NAV3: variants seen among roughly 807,000 people sequenced by gnomAD.
NAV3 encodes the protein pore membrane and/or filament interacting like protein 1.
Under a neutral mutation model 244.7 loss-of-function variants are expected in NAV3, and 87 were observed. That is an observed-to-expected ratio of 0.36 (90% CI 0.30 to 0.42). The LOEUF (loss-of-function observed/expected upper bound fraction) is 0.42, where lower values mean the gene tolerates loss of function less well. NAV3 is among the 20% of genes least tolerant of loss of function. The pLI is 1.00. For missense variants in NAV3, 2,663 were observed against 2,893.3 expected (o/e 0.92, Z 1.83); for synonymous variants, 1,126 against 1,042.2 (o/e 1.08, Z -1.55).
intron 1 of NAV3, among the ~76,000 whole-genome samples, chr12:77,848,340 T>C (rs982932512): frequency 2.6e-5 from 4 of 152,198 alleles, no homozygotes; most frequent in East Asian, 1.9e-4. Flanking sequence ...ACCAACTGGA[T>C]TGTGTAACTT....
At position 77,655,220 on chromosome 12, in the gene NAV3, C is replaced by A. The variant is rs1266742856; in HGVS notation, c.72+82954C>A. Among the ~76,000 whole-genome samples the A allele has an allele frequency of 3.9e-5, 6 of 152,058 alleles. No individual in the cohort carries two copies. The South Asian group carries it at 6.2e-4, about 16-fold the overall frequency. ...ATAAAAACTTTGAAAAAAATTTAGA[C>A]GAATGTATAACTAGAATAACCAATA... On this transcript the variant is annotated intron_variant, in intron 2 of 8. Transcript: ENST00000550042.
chr12:77,873,734 A>G lies in NAV3; in HGVS notation c.243+42030A>G, dbSNP rs192371476. On this transcript the variant is annotated intron_variant, in intron 1 of 39. Coordinates refer to ENST00000397909, the MANE Select transcript of NAV3 (RefSeq NM_001024383.2). ...ACATGATTTGCTTATCTAAATACAT[A>G]TGTGTGTGTGTATATATATATATAT... Among the ~76,000 whole-genome samples the G allele has an allele frequency of 5.0e-3, 425 of 85,298 alleles. 14 individuals are homozygous for G. The highest frequency in any genetic ancestry group is 0.014 in the African/African-American group (385 of 28,304). The allele number at this position is 85,298 out of a possible 152,430, so 56.0% of individuals were successfully genotyped here.
At chr12:78,187,053 G>A (rs1958752970) in intron 31 of NAV3, among the ~76,000 whole-genome samples, 1 of 151,742 alleles carries the variant, frequency 6.6e-6, no homozygotes, top group African/African-American at 2.4e-5. Context: ...CCATCAATTT[G>A]GAAGTTAGGG....
chr12:78,207,709 A>G (rs956628065), intron 39 of NAV3, among the ~76,000 whole-genome samples: 1 of 152,196 alleles, frequency 6.6e-6, no homozygotes, highest in African/African-American at 2.4e-5. Flanking sequence ...AGTTGGTGGT[A>G]GGAATTAAAA....
At chr12:77,580,732 T>G (rs1190539632) in intron 2 of NAV3, among the ~76,000 whole-genome samples, 4 of 152,202 alleles carry the variant, frequency 2.6e-5, no homozygotes, top group African/African-American at 9.6e-5. Flanking sequence ...TCTCAATACA[T>G]GAACTGACTC....
chr12:77,789,430 T>C (rs746490044), intron 2 of NAV3, among the ~76,000 whole-genome samples: 1 of 152,044 alleles, frequency 6.6e-6, no homozygotes, highest in Non-Finnish European at 1.5e-5. Flanking sequence ...GACAGGGGTG[T>C]CCAATTTTTT....
At chr12:78,145,527 T>C (rs886663027) in intron 20 of NAV3, among the ~76,000 whole-genome samples, 2 of 152,182 alleles carry the variant, frequency 1.3e-5, no homozygotes, top group African/African-American at 4.8e-5. Flanking sequence ...TTCAACAACA[T>C]TATGCATTCT....
chr12:78,105,156 T>C (rs1954739378), intron 12 of NAV3, among the ~76,000 whole-genome samples: 1 of 152,134 alleles, frequency 6.6e-6, no homozygotes, highest in South Asian at 2.1e-4. Flanking sequence ...ACTGACAACA[T>C]TAATGATAAT....
intron 3 of NAV3, among the ~76,000 whole-genome samples, chr12:77,954,770 A>G (rs182783293): frequency 9.8e-4 from 150 of 152,334 alleles, no homozygotes; most frequent in African/African-American, 3.3e-3. Flanking sequence ...GAATTTAAAA[A>G]TGAAATATAC....
intron 28 of NAV3, among the ~76,000 whole-genome samples, chr12:78,178,734 A>G (rs1278290342): frequency 6.6e-6 from 1 of 152,190 alleles, no homozygotes; most frequent in Non-Finnish European, 1.5e-5. Context: ...GCAGAAAGGA[A>G]GAACATGTCA....
At chr12:77,762,919 C>G (rs2082390743) in intron 2 of NAV3, among the ~76,000 whole-genome samples, 1 of 152,190 alleles carries the variant, frequency 6.6e-6, no homozygotes, top group Non-Finnish European at 1.5e-5. Context: ...GAGGTTGTTC[C>G]TGCACACAAT....
intron 1 of NAV3, among the ~76,000 whole-genome samples, chr12:77,851,145 G>A (rs1008128104): frequency 1.3e-5 from 2 of 152,190 alleles, no homozygotes; most frequent in African/African-American, 4.8e-5. Flanking sequence ...CAAATGAGAA[G>A]TGGGGCACAA....
intron 12 of NAV3, among the ~76,000 whole-genome samples, chr12:78,100,695 G>A (rs1954493563): frequency 6.6e-6 from 1 of 151,880 alleles, no homozygotes; most frequent in Admixed American, 6.6e-5. Context: ...TAATTTCTTA[G>A]CACTCTATAT....
intron 2 of NAV3, among the ~76,000 whole-genome samples, chr12:77,820,017 C>A (rs1489594018): frequency 6.6e-6 from 1 of 151,992 alleles, no homozygotes; most frequent in Non-Finnish European, 1.5e-5. Flanking sequence ...AATTAACATT[C>A]TTCTAAGAAA....
At chr12:77,866,602 A>C (rs1177640231) in intron 1 of NAV3, among the ~76,000 whole-genome samples, 1 of 152,260 alleles carries the variant, frequency 6.6e-6, no homozygotes, top group African/African-American at 2.4e-5. Context: ...ATGAATTTTA[A>C]GAAGTGACTT....
At chr12:77,683,698 G>C (rs570424557) in intron 2 of NAV3, among the ~76,000 whole-genome samples, 2 of 152,168 alleles carry the variant, frequency 1.3e-5, no homozygotes, top group East Asian at 3.9e-4. Flanking sequence ...TTACACAGTA[G>C]GTGTGCTTTT....
intron 2 of NAV3, among the ~76,000 whole-genome samples, chr12:77,722,148 T>C (rs1876665132): frequency 6.6e-6 from 1 of 152,106 alleles, no homozygotes; most frequent in Non-Finnish European, 1.5e-5. Flanking sequence ...CATATTTTTC[T>C]TTATCCTCTT....
chr12:78,200,725 G>A, intron 38 of NAV3, 134 bp downstream of exon 38: 1 of 434,828 alleles, frequency 2.3e-6, no homozygotes, highest in Non-Finnish European at 3.9e-6. Context: ...AGAGCAATAA[G>A]GTTTTCAAGA....
intron 1 of NAV3, among the ~76,000 whole-genome samples, chr12:77,927,076 CAAG>C (rs1393861485): frequency 6.6e-6 from 1 of 152,198 alleles, no homozygotes; most frequent in African/African-American, 2.4e-5. Flanking sequence ...CAGACTGATA[CAAG>C]AAGAAGTTAA....
Sources: allele counts gnomAD v4.1 joint callset (sites outside exome capture counted in the v4.1 genomes callset), GRCh38; gene constraint gnomAD v4.1.1; transcripts MANE v1.5; gene names NCBI Gene and HGNC (gene_info 2026-07-23, HGNC 2026-07-21).